RBFOX1: variants seen among roughly 807,000 people sequenced by gnomAD.
The protein encoded by RBFOX1 is RNA binding protein fox-1 homolog 1.
In RBFOX1, 8 loss-of-function variants were observed where a neutral mutation model predicts 57.7. The observed-to-expected ratio is 0.14, with a 90% confidence interval of 0.08 to 0.25. The LOEUF is 0.25. RBFOX1 is among the 10% of genes least tolerant of loss of function. The pLI, the probability that RBFOX1 is intolerant of heterozygous loss-of-function variation, is 1.00. For missense variants in RBFOX1, 611 were observed against 548.5 expected, an observed-to-expected ratio of 1.11 and a Z score of -1.14; for synonymous variants, 326 against 222.4, an observed-to-expected ratio of 1.47 and a Z score of -4.15.
intron 4 of RBFOX1, among the ~76,000 whole-genome samples, chr16:7,424,603 G>C (rs79599180): frequency 1.3e-3 from 205 of 152,242 alleles, no homozygotes; most frequent in African/African-American, 4.8e-3. Context: ...TACTGGTAAG[G>C]ACTTGATGTT....
chr16:5,903,528 A>G (rs568548432), intron 4 of RBFOX1, among the ~76,000 whole-genome samples: 2 of 152,290 alleles, frequency 1.3e-5, no homozygotes, highest in East Asian at 3.9e-4. Context: ...AAGGAAGAGG[A>G]TGATAAGTGG....
chr16:5,913,886 T>A (rs559128122), intron 4 of RBFOX1, among the ~76,000 whole-genome samples: 3 of 152,260 alleles, frequency 2.0e-5, no homozygotes, highest in Admixed American at 6.5e-5. Context: ...ATGAATGACA[T>A]CTTTCTTTAC....
chr16:6,607,198 G>A (rs1954738656), intron 2 of RBFOX1, among the ~76,000 whole-genome samples: 2 of 152,122 alleles, frequency 1.3e-5, no homozygotes, highest in Admixed American at 1.3e-4. Context: ...TCTGACTACT[G>A]ATTGGGGACA....
intron 1 of RBFOX1, among the ~76,000 whole-genome samples, chr16:6,311,707 T>G (rs952287807): frequency 2.0e-5 from 3 of 152,188 alleles, no homozygotes; most frequent in Non-Finnish European, 4.4e-5. Flanking sequence ...CATCAGATAC[T>G]CTGACTGCAG....
At chr16:7,122,029 TA>T (rs1398797727) in intron 4 of RBFOX1, among the ~76,000 whole-genome samples, 1 of 152,044 alleles carries the variant, frequency 6.6e-6, no homozygotes, top group Non-Finnish European at 1.5e-5. Flanking sequence ...GATCTAAATA[TA>T]AAACGTAGAA....
At chr16:5,307,321 C>T (rs2063964175) in intron 1 of RBFOX1, among the ~76,000 whole-genome samples, 1 of 152,196 alleles carries the variant, frequency 6.6e-6, no homozygotes, top group Non-Finnish European at 1.5e-5. Flanking sequence ...CTTGAATCTG[C>T]TTCACACCCA....
intron 1 of RBFOX1, among the ~76,000 whole-genome samples, chr16:6,074,833 G>T (rs1020791028): frequency 6.6e-6 from 1 of 152,132 alleles, no homozygotes; most frequent in Non-Finnish European, 1.5e-5. Flanking sequence ...GAGTTTGGTG[G>T]CTTACGTCTG....
chr16:6,421,508 T>G lies in RBFOX1; in HGVS notation c.-64+104451T>G, dbSNP rs190483462. ...CTTCTTAGAAGGAAGGAAATGTACT[T>G]TTTAACAAGATTTTCAGCAAACGTT... On this transcript the variant is annotated intron_variant, in intron 2 of 15. Transcript: ENST00000550418. Among the ~76,000 whole-genome samples, 20 of 152,298 alleles carry G rather than the reference T, an allele frequency of 1.3e-4. No individual in the cohort carries two copies. The East Asian group carries it at 3.9e-3, about 29-fold the overall frequency.
chr16:6,102,840 T>G (rs1156934549), intron 1 of RBFOX1, among the ~76,000 whole-genome samples: 1 of 152,220 alleles, frequency 6.6e-6, no homozygotes, highest in African/African-American at 2.4e-5. Context: ...CTAAGCCTTG[T>G]GTCCTGGCTT....
chr16:5,818,682 CAGAG>C (rs1040110718), intron 3 of RBFOX1, among the ~76,000 whole-genome samples: 1 of 152,184 alleles, frequency 6.6e-6, no homozygotes, highest in Non-Finnish European at 1.5e-5. Context: ...AGGAAGAAAA[CAGAG>C]AGTCTTGACC....
chr16:6,205,432 C>T (rs1463062866), intron 1 of RBFOX1, among the ~76,000 whole-genome samples: 1 of 152,140 alleles, frequency 6.6e-6, no homozygotes, highest in Admixed American at 6.6e-5. Flanking sequence ...TTTTGACTTT[C>T]AGATGACTTT....
chr16:6,874,882 A>G (rs181272968), intron 3 of RBFOX1, among the ~76,000 whole-genome samples: 7 of 152,328 alleles, frequency 4.6e-5, no homozygotes, highest in Admixed American at 3.3e-4. Context: ...TGTAAGGAAC[A>G]TTACCTGTTC....
At chr16:7,198,358 G>A (rs2087349020) in intron 4 of RBFOX1, among the ~76,000 whole-genome samples, 1 of 152,198 alleles carries the variant, frequency 6.6e-6, no homozygotes, top group African/African-American at 2.4e-5. Context: ...AAACTAGACA[G>A]AGGGTGGTAG....
At chr16:6,412,060 G>A (rs566329518) in intron 2 of RBFOX1, among the ~76,000 whole-genome samples, 2 of 151,348 alleles carry the variant, frequency 1.3e-5, no homozygotes, top group Non-Finnish European at 2.9e-5. Flanking sequence ...TGAAACCCGG[G>A]AGGCAGAGGT....
chr16:5,562,477 A>G lies in RBFOX1; in HGVS notation c.259-36425A>G, dbSNP rs112274042. ...TGAGATACCCAGGATGTATAGAGCA[A>G]TTCTCCAGGGCCAGGAGGAGAAGAA... On this transcript the variant is annotated intron_variant, in intron 2 of 2. Transcript: ENST00000585867. 2.7e-4 allele frequency among the ~76,000 whole-genome samples: 41 copies of G among 151,102 alleles called. 1 individual carries two copies. The highest frequency in any genetic ancestry group is 9.9e-4 in the African/African-American group (41 of 41,276).
chr16:6,149,290 G>C (rs1597800022), intron 1 of RBFOX1, among the ~76,000 whole-genome samples: 1 of 152,318 alleles, frequency 6.6e-6, no homozygotes, highest in East Asian at 1.9e-4. Flanking sequence ...CTTTGGATTT[G>C]AATGTCTGTT....
intron 2 of RBFOX1, among the ~76,000 whole-genome samples, chr16:6,535,384 C>G (rs1423854238): frequency 6.6e-6 from 1 of 152,128 alleles, no homozygotes. Flanking sequence ...GACGAAGATT[C>G]ACTAGAAGTC....
chr16:5,921,095 G>T (rs2058811494), intron 4 of RBFOX1, among the ~76,000 whole-genome samples: 1 of 152,148 alleles, frequency 6.6e-6, no homozygotes, highest in African/African-American at 2.4e-5. Flanking sequence ...AAGCAATTCT[G>T]TAAATATTAC....
At chr16:5,321,252 G>A (rs926329837) in intron 1 of RBFOX1, among the ~76,000 whole-genome samples, 16 of 152,106 alleles carry the variant, frequency 1.1e-4, no homozygotes, top group Admixed American at 1.0e-3. Context: ...CTCCTGAGGG[G>A]TGGGAGTGAG....
Sources: allele counts gnomAD v4.1 joint callset (sites outside exome capture counted in the v4.1 genomes callset), GRCh38; gene constraint gnomAD v4.1.1; transcripts MANE v1.5; gene names NCBI Gene and HGNC (gene_info 2026-07-23, HGNC 2026-07-21).